Variants in KDM3B observed in about 807,000 individuals in gnomAD.
The protein encoded by KDM3B is lysine demethylase 3B.
In KDM3B, 10 loss-of-function variants were observed where a neutral mutation model predicts 170.0. That is an observed-to-expected ratio of 0.06 (90% CI 0.04 to 0.10). The LOEUF (loss-of-function observed/expected upper bound fraction) is 0.10, where lower values mean the gene tolerates loss of function less well. KDM3B is among the 10% of genes least tolerant of loss of function. The pLI is 1.00. For missense variants in KDM3B, 1,394 were observed against 2,195.2 expected (o/e 0.64, Z 7.29); for synonymous variants, 831 against 834.8 (o/e 1.00, Z 0.08).
chr5:138,393,806 C>T (rs890810052), intron 9 of KDM3B, among the ~76,000 whole-genome samples: 2 of 152,102 alleles, frequency 1.3e-5, no homozygotes, highest in African/African-American at 4.8e-5. Flanking sequence ...ATAGATATAA[C>T]TGATGGAAAT....
chr5:138,420,703 C>T lies in KDM3B; in HGVS notation c.3716-3C>T. 1 of 1,613,868 alleles carries T rather than the reference C, an allele frequency of 6.2e-7. No homozygotes were observed. The highest frequency in any genetic ancestry group is 8.5e-7 in the Non-Finnish European group (1 of 1,179,980). On this transcript the variant is annotated splice_region_variant and splice_polypyrimidine_tract_variant and intron_variant, in intron 14 of 23. Coordinates refer to ENST00000314358, the MANE Select transcript of KDM3B (RefSeq NM_016604.4). ...AATGCTGTTCCTGGTTATGTTCTTA[C>T]AGAAGCAGGGTCCCTGAGGTCGGTG...
intron 10 of KDM3B, among the ~76,000 whole-genome samples, chr5:138,398,887 CTTTTTTT>C (rs537795731): frequency 1.7e-5 from 2 of 120,178 alleles, no homozygotes; most frequent in Non-Finnish European, 3.4e-5. Context: ...TCCTAAATTT[CTTTTTTT>C]TTTTTTTTTT....
intron 15 of KDM3B, among the ~76,000 whole-genome samples, 196 bp downstream of exon 15, chr5:138,421,158 G>A (rs1291648675): frequency 6.6e-6 from 1 of 152,204 alleles, no homozygotes; most frequent in Non-Finnish European, 1.5e-5. Context: ...TGTAAAAGTT[G>A]AGATTTTGAA....
chr5:138,363,941 C>T (rs1156452383), intron 1 of KDM3B, among the ~76,000 whole-genome samples: 3 of 140,874 alleles, frequency 2.1e-5, no homozygotes, highest in Non-Finnish European at 3.0e-5. Flanking sequence ...GAGATGGAGT[C>T]TCACTCACTC....
intron 1 of KDM3B, among the ~76,000 whole-genome samples, chr5:138,366,785 G>T (rs775949899): frequency 1.3e-4 from 20 of 152,196 alleles, no homozygotes; most frequent in Non-Finnish European, 2.6e-4. Flanking sequence ...AAGATATAGT[G>T]GGCATTGGCA....
chr5:138,385,240 C>T (rs1349128641), intron 6 of KDM3B, among the ~76,000 whole-genome samples: 1 of 152,094 alleles, frequency 6.6e-6, no homozygotes, highest in South Asian at 2.1e-4. Context: ...AGGCTGGTCT[C>T]AAACTCCTGA....
intron 1 of KDM3B, 27 bp from the exon 2 acceptor site, chr5:138,372,647 T>A: frequency 7.5e-6 from 12 of 1,600,094 alleles, no homozygotes; most frequent in Non-Finnish European, 1.0e-5. Context: ...CAAGTGTGAC[T>A]TCCAAACTGC....
At chr5:138,389,782 CTG>C (rs148405512) in intron 7 of KDM3B, among the ~76,000 whole-genome samples, 127 of 143,506 alleles carry the variant, frequency 8.8e-4, no homozygotes, top group African/African-American at 2.5e-3. Context: ...CTCTCTCTCT[CTG>C]TGTGTGTGTG....
chr5:138,358,128 G>A (rs907041003), intron 1 of KDM3B, among the ~76,000 whole-genome samples: 2 of 150,936 alleles, frequency 1.3e-5, no homozygotes, highest in African/African-American at 4.9e-5. Context: ...CTCGCAAGTA[G>A]TTGGGATTAC....
intron 23 of KDM3B, among the ~76,000 whole-genome samples, chr5:138,434,278 G>A (rs1217549249): frequency 4.6e-5 from 7 of 151,902 alleles, no homozygotes; most frequent in East Asian, 3.9e-4. Flanking sequence ...GGCTGGGCGC[G>A]GTGGCTCACG....
At position 138,426,873 on chromosome 5, in the gene KDM3B, AAAAAAAAG is replaced by A. The variant is rs1283191701; in HGVS notation, c.4412-94_4412-87del. ...GCAAGACTCTGTCTCAAAAAAAAAA[AAAAAAAAG>A]AAAAAAAAGAGATTAGTCTCCCAAA... On this transcript the variant is annotated intron_variant, in intron 17 of 23. Coordinates refer to ENST00000314358, the MANE Select transcript of KDM3B (RefSeq NM_016604.4). 76 of 794,808 alleles carry A rather than the reference AAAAAAAAG, an allele frequency of 9.6e-5. 14 individuals carry two copies. Among genetic ancestry groups the A allele is most frequent in the East Asian group, 3.9e-4 (14 of 36,230 alleles). 49.2% of individuals were successfully genotyped at this position (794,808 alleles called of 1,614,324 possible).
chr5:138,399,780 T>A, intron 10 of KDM3B, 80 bp from the exon 11 acceptor site: 1 of 1,317,642 alleles, frequency 7.6e-7, no homozygotes, highest in Non-Finnish European at 1.1e-6. Context: ...CAAAATAGCT[T>A]GAGTAGGGAT....
rs148548175 is a variant in KDM3B, at chr5:138,363,729, G to A, written c.193-8945G>A. On this transcript the variant is annotated intron_variant, in intron 1 of 23. Coordinates refer to ENST00000314358, the MANE Select transcript of KDM3B (RefSeq NM_016604.4). ...ACCCGGATAATTTTTTGTATTTTTA[G>A]TAGAGACGGGGTTTCACCTTGTTAG... 4.0e-3 allele frequency among the ~76,000 whole-genome samples: 601 copies of A among 152,014 alleles called. 3 individuals are homozygous for A. Among genetic ancestry groups the A allele is most frequent in the African/African-American group, 0.014 (581 of 41,462 alleles).
Position 138,386,004 on chromosome 5 carries a change from T to C in KDM3B, c.781-18T>C. 1 of 1,571,384 alleles carries C rather than the reference T, an allele frequency of 6.4e-7. No homozygotes were observed. Among genetic ancestry groups the C allele is most frequent in the Non-Finnish European group, 8.6e-7 (1 of 1,161,046 alleles). On this transcript the variant is annotated intron_variant, in intron 6 of 23. Coordinates refer to ENST00000314358, the MANE Select transcript of KDM3B (RefSeq NM_016604.4). ...GATGAAAGTTTCCTTGTAATCTTTT[T>C]TGAATTTTGTTTTGTAGGGGGGTAC...
chr5:138,432,389 A>C (rs963791391), intron 23 of KDM3B, among the ~76,000 whole-genome samples: 1 of 151,898 alleles, frequency 6.6e-6, no homozygotes, highest in Non-Finnish European at 1.5e-5. Context: ...GAATTTCATC[A>C]TTAATACACT....
At chr5:138,401,254 G>A (rs1337408673) in intron 11 of KDM3B, among the ~76,000 whole-genome samples, 4 of 137,764 alleles carry the variant, frequency 2.9e-5, no homozygotes, top group Non-Finnish European at 6.1e-5. Context: ...CTGGGCAACA[G>A]AGCAAGACTT....
intron 11 of KDM3B, among the ~76,000 whole-genome samples, chr5:138,408,717 T>C (rs909433542): frequency 6.6e-6 from 1 of 152,140 alleles, no homozygotes; most frequent in Non-Finnish European, 1.5e-5. Context: ...AAAAGAATAA[T>C]ACATCATGAA....
intron 9 of KDM3B, among the ~76,000 whole-genome samples, chr5:138,397,096 C>T (rs1373550487): frequency 2.6e-5 from 4 of 151,950 alleles, no homozygotes; most frequent in Non-Finnish European, 5.9e-5. Flanking sequence ...TTTGGGAGGC[C>T]GAGGCAGGTG....
At position 138,379,597 on chromosome 5, in the gene KDM3B, T is replaced by A. The variant is rs759182061; in HGVS notation, c.594T>A (p.Val198=). The A allele has an allele frequency of 3.1e-6, 5 of 1,613,582 alleles. No homozygotes were observed. The highest frequency in any genetic ancestry group is 2.7e-5 in the African/African-American group (2 of 75,018). The change falls in exon 5 of 24, where the codon GTT becomes GTA. Residue 198 remains valine, a synonymous_variant. Coordinates refer to ENST00000314358, the MANE Select transcript of KDM3B (RefSeq NM_016604.4). The part of the protein sequence containing the change: ...QEIFSRGPYS[V]QGHRVKIYQP... Reference sequence around the variant, plus strand: ...TCTCCCTTTTAGGTCCCTACAGTGTTCAAGGTCACAGGGTCAAAATATATC... The same window carrying A: ...TCTCCCTTTTAGGTCCCTACAGTGTACAAGGTCACAGGGTCAAAATATATC...
Sources: gnomAD v4.1 joint callset for allele counts (sites outside exome capture counted in the v4.1 genomes callset) on GRCh38, gnomAD v4.1.1 for gene constraint, MANE v1.5 for transcripts, NCBI Gene and HGNC (gene_info 2026-07-23, HGNC 2026-07-21) for gene names.